Variants in AP2B1 observed in about 807,000 individuals in gnomAD.
The protein encoded by AP2B1 is adaptor related protein complex 2 subunit beta 1.
In AP2B1, 23 loss-of-function variants were observed where a neutral mutation model predicts 102.0. The ratio of observed to expected loss-of-function variants is 0.23; its 90% CI spans 0.16 to 0.32. The LOEUF is 0.32. Among genes scored for constraint, AP2B1 ranks in the 10% least tolerant of loss-of-function variants. The pLI is 1.00. For synonymous variants in AP2B1, 381 were observed against 421.2 expected, an observed-to-expected ratio of 0.90 and a Z score of 1.17; for missense variants, 541 against 1,157.4, an observed-to-expected ratio of 0.47 and a Z score of 7.73.
intron 10 of AP2B1, among the ~76,000 whole-genome samples, chr17:35,636,714 C>A (rs1468576665): frequency 6.6e-6 from 1 of 152,184 alleles, no homozygotes; most frequent in Admixed American, 6.5e-5. Context: ...TAACCAGATT[C>A]TTTGATGGCA....
intron 20 of AP2B1, among the ~76,000 whole-genome samples, chr17:35,710,764 A>C (rs2076429959): frequency 6.6e-6 from 1 of 152,212 alleles, no homozygotes; most frequent in African/African-American, 2.4e-5. Flanking sequence ...GAAATAATGT[A>C]TCATCATTAG....
intron 3 of AP2B1, among the ~76,000 whole-genome samples, 177 bp from the exon 4 acceptor site, chr17:35,605,528 G>A (rs887375381): frequency 5.9e-5 from 9 of 152,200 alleles, no homozygotes; most frequent in African/African-American, 2.2e-4. Context: ...GGGATTATAG[G>A]CGTGAGCCAC....
chr17:35,640,966 C>G (rs2074762501), intron 11 of AP2B1, among the ~76,000 whole-genome samples: 1 of 152,136 alleles, frequency 6.6e-6, no homozygotes, highest in South Asian at 2.1e-4. Flanking sequence ...GCCACAGAAC[C>G]AGGAAGCCAA....
intron 12 of AP2B1, among the ~76,000 whole-genome samples, chr17:35,648,351 A>T (rs1287613946): frequency 1.3e-5 from 2 of 152,110 alleles, no homozygotes; most frequent in Non-Finnish European, 2.9e-5. Flanking sequence ...CCCTGTCTCT[A>T]CTAAAAATAC....
chr17:35,606,756 T>A (rs148974801), intron 4 of AP2B1, among the ~76,000 whole-genome samples: 99 of 152,310 alleles, frequency 6.5e-4, no homozygotes, highest in African/African-American at 2.3e-3. Context: ...TTTGTCTTTA[T>A]ATTTGTCAAG....
intron 14 of AP2B1, among the ~76,000 whole-genome samples, chr17:35,665,107 A>G (rs1029324200): frequency 2.8e-5 from 4 of 140,820 alleles, no homozygotes; most frequent in Non-Finnish European, 6.2e-5. Flanking sequence ...ATTATATTTT[A>G]TGATGCTTTT....
At chr17:35,694,815 G>A (rs756999075) in intron 18 of AP2B1, among the ~76,000 whole-genome samples, 7 of 152,246 alleles carry the variant, frequency 4.6e-5, no homozygotes, top group Admixed American at 1.3e-4. Flanking sequence ...CCCAGGAGGC[G>A]GAGGTTGCAG....
At chr17:35,633,564 G>C (rs2074523826) in intron 9 of AP2B1, among the ~76,000 whole-genome samples, 1 of 152,094 alleles carries the variant, frequency 6.6e-6, no homozygotes, top group African/African-American at 2.4e-5. Flanking sequence ...ATCTTGTGTA[G>C]TCATCATCCA....
intron 18 of AP2B1, among the ~76,000 whole-genome samples, chr17:35,707,259 T>C (rs1307761630): frequency 1.3e-5 from 2 of 151,578 alleles, no homozygotes; most frequent in Non-Finnish European, 2.9e-5. Context: ...TTCAAGCGAT[T>C]CTTCTGCCTC....
At chr17:35,644,736 A>G (rs904385431) in intron 12 of AP2B1, among the ~76,000 whole-genome samples, 14 of 152,060 alleles carry the variant, frequency 9.2e-5, no homozygotes, top group African/African-American at 2.9e-4. Flanking sequence ...AAGTTATCAT[A>G]AAACAGTAAG....
At chr17:35,662,500 C>T (rs35872249) in intron 14 of AP2B1, among the ~76,000 whole-genome samples, 1,594 of 147,728 alleles carry the variant, frequency 0.011, 27 homozygotes, top group African/African-American at 0.036. Context: ...CCTTTGGAAG[C>T]CATGTATGTG....
At chr17:35,702,966 G>A (rs998620996) in intron 18 of AP2B1, among the ~76,000 whole-genome samples, 8 of 152,132 alleles carry the variant, frequency 5.3e-5, no homozygotes, top group Admixed American at 5.2e-4. Context: ...GAAGACAGTG[G>A]TGATTCCTCA....
At chr17:35,615,300 A>T (rs1022591186) in intron 5 of AP2B1, among the ~76,000 whole-genome samples, 1 of 152,162 alleles carries the variant, frequency 6.6e-6, no homozygotes, top group African/African-American at 2.4e-5. Context: ...TTGAAGATGA[A>T]AGAATAATGT....
intron 18 of AP2B1, among the ~76,000 whole-genome samples, chr17:35,691,885 A>G (rs768283315): frequency 6.6e-6 from 1 of 152,212 alleles, no homozygotes; most frequent in Admixed American, 6.5e-5. Context: ...GACTATAAAC[A>G]TATTATTTAA....
intron 18 of AP2B1, among the ~76,000 whole-genome samples, chr17:35,696,308 A>C (rs1257216309): frequency 6.6e-6 from 1 of 152,070 alleles, no homozygotes; most frequent in Non-Finnish European, 1.5e-5. Flanking sequence ...AGTAGTACCC[A>C]AAAAAAGAGA....
intron 3 of AP2B1, among the ~76,000 whole-genome samples, chr17:35,604,460 A>G (rs1209809905): frequency 6.6e-6 from 1 of 151,822 alleles, no homozygotes; most frequent in East Asian, 1.9e-4. Context: ...GGTAGTGGAA[A>G]AAAAAAAAGA....
intron 4 of AP2B1, 55 bp downstream of exon 4, chr17:35,605,895 T>C (rs1251426784): frequency 6.3e-7 from 1 of 1,582,594 alleles, no homozygotes; most frequent in African/African-American, 1.4e-5. Context: ...AAGTAACCTC[T>C]GTTCACAAGG....
intron 9 of AP2B1, among the ~76,000 whole-genome samples, chr17:35,631,151 C>T (rs2074450580): frequency 6.6e-6 from 1 of 152,114 alleles, no homozygotes; most frequent in Non-Finnish European, 1.5e-5. Context: ...CAGGAGTAAA[C>T]AAACTCCTGG....
At chr17:35,613,196 G>A (rs9303689) in intron 5 of AP2B1, among the ~76,000 whole-genome samples, 8,298 of 149,982 alleles carry the variant, frequency 0.055, 380 homozygotes, top group East Asian at 0.14. Flanking sequence ...TCCAGGGGTT[G>A]TGCCTTAGTA....
Sources: gnomAD v4.1 joint callset for allele counts (sites outside exome capture counted in the v4.1 genomes callset) on GRCh38, gnomAD v4.1.1 for gene constraint, MANE v1.5 for transcripts, NCBI Gene and HGNC (gene_info 2026-07-23, HGNC 2026-07-21) for gene names.